Variants in BLTP1 observed in about 807,000 individuals in gnomAD.
The protein encoded by BLTP1 is bridge-like lipid transfer protein family member 1.
chr4:122,277,806 T>G, the BLTP1 span: 2 of 814,344 alleles, frequency 2.5e-6, no homozygotes, highest in Middle Eastern at 6.3e-4. Flanking sequence ...AGAAGTATAG[T>G]GAATATTTTT....
the BLTP1 span, chr4:122,224,666 A>C: frequency 6.2e-7 from 1 of 1,614,048 alleles, no homozygotes; most frequent in Non-Finnish European, 8.5e-7. Flanking sequence ...AGCTAAGGTC[A>C]CAGCACCACA....
chr4:122,349,226 G>A, the BLTP1 span: 1 of 1,613,106 alleles, frequency 6.2e-7, no homozygotes, highest in Non-Finnish European at 8.5e-7. The surrounding 1 kb of genome is among the most constrained non-coding windows in gnomAD (Gnocchi z 4.5). Context: ...CGAGAGATCA[G>A]CATGTCTGTT....
the BLTP1 span, among the ~76,000 whole-genome samples, chr4:122,157,349 G>A: frequency 2.6e-5 from 4 of 152,182 alleles, no homozygotes; most frequent in East Asian, 7.7e-4. Flanking sequence ...TAGGGTAGTG[G>A]TCCTCAACCT....
At chr4:122,234,279 T>G in the BLTP1 span, 3 of 359,690 alleles carry the variant, frequency 8.3e-6, 1 homozygote, top group Admixed American at 1.9e-4. Context: ...TTATTTTAAT[T>G]TTATTGAGAA....
chr4:122,279,825 A>C, the BLTP1 span: 1 of 1,614,084 alleles, frequency 6.2e-7, no homozygotes, highest in South Asian at 1.1e-5. Context: ...TACAGTGCCC[A>C]AAGAGGGCTG....
At chr4:122,343,878 T>C in the BLTP1 span, 1 of 797,572 alleles carries the variant, frequency 1.3e-6, no homozygotes, top group African/African-American at 1.9e-5. Flanking sequence ...AGATTACTTA[T>C]GTTATTGAAA....
At chr4:122,319,216 T>G in the BLTP1 span, among the ~76,000 whole-genome samples, 1 of 152,040 alleles carries the variant, frequency 6.6e-6, no homozygotes, top group East Asian at 1.9e-4. Context: ...CCTGTTTGTT[T>G]TATTTCTTCT....
the BLTP1 span, chr4:122,198,543 G>T: frequency 1.3e-5 from 8 of 623,330 alleles, no homozygotes; most frequent in Non-Finnish European, 1.4e-5. Context: ...ACAAATACTG[G>T]TACACTGGAG....
At chr4:122,224,353 G>A in the BLTP1 span, 3 of 875,378 alleles carry the variant, frequency 3.4e-6, no homozygotes, top group Admixed American at 2.9e-5. Flanking sequence ...CGGGTACAAG[G>A]TTGTGTTAGG....
the BLTP1 span, chr4:122,313,616 A>G: frequency 6.4e-7 from 1 of 1,567,312 alleles, no homozygotes; most frequent in East Asian, 2.4e-5. Flanking sequence ...TTTTGGGGTG[A>G]TTTTTGTACA....
the BLTP1 span, among the ~76,000 whole-genome samples, chr4:122,261,133 G>A: frequency 7.2e-5 from 11 of 152,134 alleles, no homozygotes; most frequent in Non-Finnish European, 1.5e-4. Flanking sequence ...TTTTTATTCT[G>A]TGTAAGTATG....
the BLTP1 span, chr4:122,292,293 T>A: frequency 3.3e-6 from 3 of 921,730 alleles, no homozygotes; most frequent in South Asian, 5.1e-5. Context: ...TCTTCAGAGA[T>A]GGATTATCAA....
the BLTP1 span, chr4:122,229,371 C>T: frequency 1.7e-6 from 1 of 588,102 alleles, no homozygotes; most frequent in South Asian, 3.3e-5. Context: ...AGAAAACTTT[C>T]TAATTTTTAC....
At chr4:122,171,674 T>C in the BLTP1 span, 40 of 232,708 alleles carry the variant, frequency 1.7e-4, 1 homozygote, top group Admixed American at 2.7e-4. Flanking sequence ...AGGGGATGCT[T>C]ATGCTTCTTT....
At chr4:122,298,850 G>A in the BLTP1 span, 2 of 984,686 alleles carry the variant, frequency 2.0e-6, no homozygotes, top group Non-Finnish European at 2.4e-6. Context: ...GCAAGAAACT[G>A]GGACTGAAAG....
At chr4:122,361,205 G>C in the BLTP1 span, among the ~76,000 whole-genome samples, 1 of 152,188 alleles carries the variant, frequency 6.6e-6, no homozygotes, top group African/African-American at 2.4e-5. Flanking sequence ...GAAATAGTGG[G>C]AGAGATTAAT....
At chr4:122,187,071 T>C in the BLTP1 span, 58 of 984,744 alleles carry the variant, frequency 5.9e-5, no homozygotes, top group Middle Eastern at 1.6e-3. Flanking sequence ...CATTTATGTT[T>C]AATAATAACT....
the BLTP1 span, among the ~76,000 whole-genome samples, chr4:122,318,791 G>T: frequency 6.6e-6 from 1 of 152,062 alleles, no homozygotes; most frequent in Non-Finnish European, 1.5e-5. Context: ...AAACCATTTT[G>T]CCCTTTTGTT....
At chr4:122,264,108 A>G in the BLTP1 span, 1 of 1,223,912 alleles carries the variant, frequency 8.2e-7, no homozygotes, top group Non-Finnish European at 1.0e-6. Flanking sequence ...ACCTAAAAGT[A>G]TGCATTATTT....
Sources: allele counts gnomAD v4.1 joint callset (sites outside exome capture counted in the v4.1 genomes callset), GRCh38; gene constraint gnomAD v4.1.1; non-coding constraint Gnocchi (gnomAD v3.1); transcripts MANE v1.5; gene names NCBI Gene and HGNC (gene_info 2026-07-23, HGNC 2026-07-21).